Variants in MROH9 observed in about 807,000 individuals in gnomAD.
MROH9 encodes the protein maestro heat-like repeat-containing protein family member 9.
MROH9 carries 92 observed loss-of-function variants against 98.2 expected under a neutral mutation model. That is an observed-to-expected ratio of 0.94 (90% CI 0.79 to 1.11). The LOEUF (loss-of-function observed/expected upper bound fraction) is 1.11, where lower values mean the gene tolerates loss of function less well. Ranked by LOEUF, MROH9 falls within the 50% of genes most tolerant of loss-of-function variation. MROH9 has a pLI of 0.00. For synonymous variants in MROH9, 397 were observed against 368.9 expected, an observed-to-expected ratio of 1.08 and a Z score of -0.87; for missense variants, 1,057 against 1,014.8, an observed-to-expected ratio of 1.04 and a Z score of -0.57.
chr1:171,005,252 A>ATTT (rs1008882772), intron 15 of MROH9, among the ~76,000 whole-genome samples: 1 of 151,978 alleles, frequency 6.6e-6, no homozygotes, highest in Non-Finnish European at 1.5e-5. Flanking sequence ...TTTAGTAGAG[A>ATTT]TGGGTTTTGG....
chr1:170,959,098 A>G (rs1649904676), intron 4 of MROH9, among the ~76,000 whole-genome samples: 1 of 152,164 alleles, frequency 6.6e-6, no homozygotes, highest in Non-Finnish European at 1.5e-5. Context: ...TGGCTGGGCC[A>G]GGCACGGTGG....
intron 8 of MROH9, among the ~76,000 whole-genome samples, chr1:170,983,039 C>G (rs1436205956): frequency 6.6e-6 from 1 of 152,244 alleles, no homozygotes; most frequent in East Asian, 1.9e-4. Flanking sequence ...CTGAGCACTT[C>G]TGGATTCCCT....
At chr1:170,984,034 C>T (rs971815409) in intron 9 of MROH9, among the ~76,000 whole-genome samples, 2 of 152,202 alleles carry the variant, frequency 1.3e-5, no homozygotes, top group African/African-American at 4.8e-5. Flanking sequence ...TTTACACTGT[C>T]TCGACCCTTG....
rs528016673 is a variant in MROH9 at position 170,977,468 on chromosome 1, T to C, written c.616+5585T>C. ...GTATTTGTATCTGACTTCTCATCTT[T>C]GGTTTCATGGTAGGGTATGTTAGTG... On this transcript the variant is annotated intron_variant, in intron 8 of 21. Transcript: ENST00000367759. Among the ~76,000 whole-genome samples, 61 of 152,300 alleles carry C rather than the reference T, an allele frequency of 4.0e-4. 2 individuals carry two copies. The South Asian group carries it at 0.012, about 31-fold the overall frequency.
chr1:170,941,504 C>G (rs751729221), intron 1 of MROH9, among the ~76,000 whole-genome samples: 7 of 152,152 alleles, frequency 4.6e-5, no homozygotes, highest in Non-Finnish European at 1.0e-4. Context: ...CTTCTAGGAA[C>G]ACCATGATCA....
At chr1:170,939,270 C>T (rs1649021583) in intron 1 of MROH9, among the ~76,000 whole-genome samples, 1 of 152,248 alleles carries the variant, frequency 6.6e-6, no homozygotes, top group Admixed American at 6.5e-5. Context: ...TATAATCACA[C>T]ATCTGGCTAT....
intron 16 of MROH9, among the ~76,000 whole-genome samples, chr1:171,015,744 T>A (rs1380286764): frequency 2.0e-5 from 3 of 152,132 alleles, no homozygotes; most frequent in Non-Finnish European, 2.9e-5. Context: ...TAAGGCCAAT[T>A]CCCTGGTGTA....
intron 20 of MROH9, among the ~76,000 whole-genome samples, chr1:171,054,690 A>T (rs1653774167): frequency 6.6e-6 from 1 of 152,218 alleles, no homozygotes; most frequent in Non-Finnish European, 1.5e-5. Context: ...AAAGTGGGCT[A>T]AGGACATGAA....
intron 17 of MROH9, 32 bp downstream of exon 17, chr1:171,016,368 T>C: frequency 7.1e-7 from 1 of 1,400,944 alleles, no homozygotes. Context: ...GTGAGATCAT[T>C]AGGTTTTGTG....
Position 170,984,690 on chromosome 1 carries a change from G to A in MROH9, c.729+1156G>A, listed in dbSNP as rs995707766. 1.8e-4 allele frequency among the ~76,000 whole-genome samples: 27 copies of A among 152,134 alleles called. 1 individual carries two copies. The highest frequency in any genetic ancestry group is 1.6e-3 in the Admixed American group (25 of 15,278). ...TAGGTTGGTGTCCTTGCTTATCTGA[G>A]TTTAATGTCCATCAGGTGTAAAAAT... On this transcript the variant is annotated intron_variant, in intron 9 of 21. Transcript: ENST00000367759.
chr1:171,008,068 C>A (rs937227891), intron 15 of MROH9, among the ~76,000 whole-genome samples: 1 of 152,186 alleles, frequency 6.6e-6, no homozygotes, highest in African/African-American at 2.4e-5. Context: ...GGGGGATAAT[C>A]ATGGTGAATA....
At chr1:170,972,768 T>A (rs1442928585) in intron 8 of MROH9, among the ~76,000 whole-genome samples, 1 of 146,668 alleles carries the variant, frequency 6.8e-6, no homozygotes, top group Admixed American at 6.9e-5. Flanking sequence ...GCCGAGATCA[T>A]GCCACTGCAC....
chr1:170,981,186 T>C (rs1055470617), intron 8 of MROH9, among the ~76,000 whole-genome samples: 47 of 152,184 alleles, frequency 3.1e-4, no homozygotes, highest in African/African-American at 1.1e-3. Context: ...AATTCAACCA[T>C]TGTAGAAAAC....
At chr1:171,047,718 A>G (rs1239591004) in intron 20 of MROH9, among the ~76,000 whole-genome samples, 2 of 152,176 alleles carry the variant, frequency 1.3e-5, no homozygotes, top group Admixed American at 1.3e-4. Context: ...TGATGATAGC[A>G]GATGTTCTTC....
At chr1:171,028,504 A>G (rs1012509240) in intron 20 of MROH9, among the ~76,000 whole-genome samples, 1 of 152,174 alleles carries the variant, frequency 6.6e-6, no homozygotes, top group African/African-American at 2.4e-5. Context: ...TCTCTTGGCT[A>G]TATGGGGTCT....
chr1:171,034,221 C>G (rs1287317750), intron 20 of MROH9, among the ~76,000 whole-genome samples: 1 of 152,036 alleles, frequency 6.6e-6, no homozygotes, highest in African/African-American at 2.4e-5. Context: ...ATATCCAGCA[C>G]AATTTTATCC....
At chr1:170,998,078 A>T in intron 14 of MROH9, 76 bp from the exon 15 acceptor site, 2 of 1,119,150 alleles carry the variant, frequency 1.8e-6, no homozygotes, top group East Asian at 4.8e-5. Flanking sequence ...AGATATTAGA[A>T]TAATGATTCT....
At chr1:170,964,179 T>TA (rs981958219) in intron 6 of MROH9, among the ~76,000 whole-genome samples, 9 of 151,960 alleles carry the variant, frequency 5.9e-5, no homozygotes, top group South Asian at 2.1e-4. Flanking sequence ...TTCACAGATT[T>TA]AAAAAAAATG....
intron 20 of MROH9, among the ~76,000 whole-genome samples, chr1:171,031,672 G>A (rs1205850726): frequency 6.6e-6 from 1 of 152,074 alleles, no homozygotes; most frequent in African/African-American, 2.4e-5. Context: ...GCTTCTCTTT[G>A]TAGGTGACCT....
Sources: gnomAD v4.1 joint callset for allele counts (sites outside exome capture counted in the v4.1 genomes callset) on GRCh38, gnomAD v4.1.1 for gene constraint, MANE v1.5 for transcripts, NCBI Gene and HGNC (gene_info 2026-07-23, HGNC 2026-07-21) for gene names.